The following RANBP2 variants were observed in gnomAD, a reference collection of about 807,000 sequenced individuals.
RANBP2 encodes E3 SUMO-protein ligase RanBP2.
RANBP2 carries 57 observed loss-of-function variants against 303.6 expected under a neutral mutation model. The ratio of observed to expected loss-of-function variants is 0.19; its 90% CI spans 0.15 to 0.23. RANBP2 has a LOEUF of 0.23. Among genes scored for constraint, RANBP2 ranks in the 10% least tolerant of loss-of-function variants. The pLI, the probability that RANBP2 is intolerant of heterozygous loss-of-function variation, is 1.00. For synonymous variants in RANBP2, 1,167 were observed against 1,301.5 expected, an observed-to-expected ratio of 0.90 and a Z score of 2.23; for missense variants, 3,138 against 3,780.8, an observed-to-expected ratio of 0.83 and a Z score of 4.46.
At chr2:108,731,624 T>A (rs1476979821) in intron 4 of RANBP2, 150 bp downstream of exon 4, 2 of 1,441,784 alleles carry the variant, frequency 1.4e-6, no homozygotes, top group Non-Finnish European at 1.9e-6. Context: ...AAAACCTTTC[T>A]GAGCATCTAC....
intron 21 of RANBP2, 61 bp downstream of exon 21, chr2:108,771,932 A>G (rs1677533491): frequency 1.2e-6 from 2 of 1,601,960 alleles, no homozygotes; most frequent in African/African-American, 1.3e-5. Flanking sequence ...AATTGGGAGT[A>G]TGGTTTAATT....
the RANBP2 span, among the ~76,000 whole-genome samples, chr2:109,500,255 G>A: frequency 1.7e-4 from 26 of 152,140 alleles, no homozygotes; most frequent in Non-Finnish European, 3.2e-4. Context: ...CCAAGAAGAG[G>A]GCTCAGAGGA....
At chr2:109,271,842 C>T in the RANBP2 span, among the ~76,000 whole-genome samples, 1 of 152,224 alleles carries the variant, frequency 6.6e-6, no homozygotes, top group South Asian at 2.1e-4. Flanking sequence ...ATATAAGTAT[C>T]CTATAACTGG....
chr2:109,550,502 T>C, the RANBP2 span, among the ~76,000 whole-genome samples: 24 of 151,884 alleles, frequency 1.6e-4, no homozygotes, highest in Non-Finnish European at 3.4e-4. Context: ...TTAGTAGAGA[T>C]GGGGTTTCAC....
the RANBP2 span, among the ~76,000 whole-genome samples, chr2:109,477,489 C>T: frequency 5.3e-5 from 8 of 152,318 alleles, no homozygotes; most frequent in South Asian, 1.4e-3. Flanking sequence ...GGCCCCCTCC[C>T]GCCAGACACA....
chr2:109,709,345 A>G, the RANBP2 span, among the ~76,000 whole-genome samples: 2 of 150,350 alleles, frequency 1.3e-5, no homozygotes, highest in African/African-American at 4.8e-5. Flanking sequence ...AATAAAATAA[A>G]ATAAAATAAA....
the RANBP2 span, among the ~76,000 whole-genome samples, chr2:109,323,637 G>A: frequency 3.9e-5 from 6 of 152,200 alleles, no homozygotes; most frequent in African/African-American, 1.4e-4. Flanking sequence ...ATGGGGTTTT[G>A]GTGAGGTTGA....
At chr2:109,553,884 T>C in the RANBP2 span, among the ~76,000 whole-genome samples, 1 of 152,044 alleles carries the variant, frequency 6.6e-6, no homozygotes, top group Non-Finnish European at 1.5e-5. Flanking sequence ...ACAATAAACT[T>C]TCAAAAATAC....
chr2:109,071,358 G>C, the RANBP2 span, among the ~76,000 whole-genome samples: 1 of 152,196 alleles, frequency 6.6e-6, no homozygotes, highest in African/African-American at 2.4e-5. Flanking sequence ...TTGCATGTGT[G>C]AAATTTAGAT....
the RANBP2 span, among the ~76,000 whole-genome samples, chr2:109,461,680 G>A: frequency 2.0e-5 from 3 of 150,900 alleles, no homozygotes; most frequent in Middle Eastern, 3.4e-3. Flanking sequence ...GACCTGCGCG[G>A]TGATCCACCT....
chr2:109,000,864 G>A, the RANBP2 span, among the ~76,000 whole-genome samples: 1 of 152,096 alleles, frequency 6.6e-6, no homozygotes, highest in Admixed American at 6.6e-5. Flanking sequence ...CAGGTCACGT[G>A]CCTAGTCAGG....
At chr2:109,020,929 C>A in the RANBP2 span, among the ~76,000 whole-genome samples, 1 of 152,314 alleles carries the variant, frequency 6.6e-6, no homozygotes, top group East Asian at 1.9e-4. Context: ...ACCACCATGA[C>A]CCATCACAGG....
the RANBP2 span, among the ~76,000 whole-genome samples, chr2:109,315,454 T>C: frequency 6.6e-6 from 1 of 152,240 alleles, no homozygotes; most frequent in Non-Finnish European, 1.5e-5. Flanking sequence ...CTTGTGTCTG[T>C]AGAATGCACT....
chr2:108,889,555 CT>C, the RANBP2 span, among the ~76,000 whole-genome samples: 12,963 of 149,810 alleles, frequency 0.087, 707 homozygotes, highest in South Asian at 0.24. Context: ...TTTTTCTTTT[CT>C]TTTTTTTTTT....
chr2:109,480,979 A>G, the RANBP2 span, among the ~76,000 whole-genome samples: 1 of 152,208 alleles, frequency 6.6e-6, no homozygotes, highest in Non-Finnish European at 1.5e-5. Context: ...TACTTCAGCC[A>G]TGGAAGGGAG....
chr2:109,351,138 A>G, the RANBP2 span, among the ~76,000 whole-genome samples: 1 of 152,224 alleles, frequency 6.6e-6, no homozygotes, highest in African/African-American at 2.4e-5. Flanking sequence ...GACTCCAGAA[A>G]GCTGGGCATG....
chr2:109,570,843 T>C, the RANBP2 span, among the ~76,000 whole-genome samples: 9 of 152,170 alleles, frequency 5.9e-5, no homozygotes, highest in South Asian at 2.1e-4. Flanking sequence ...TTATAATGTG[T>C]AATCTAGAGA....
the RANBP2 span, among the ~76,000 whole-genome samples, chr2:109,510,958 C>T: frequency 4.6e-5 from 7 of 152,214 alleles, no homozygotes; most frequent in Admixed American, 2.0e-4. Flanking sequence ...GTACTAAGCC[C>T]ACCCTCTGCG....
the RANBP2 span, among the ~76,000 whole-genome samples, chr2:109,693,404 C>T: frequency 6.6e-6 from 1 of 152,114 alleles, no homozygotes; most frequent in Non-Finnish European, 1.5e-5. Flanking sequence ...AGTGATCCAC[C>T]CGCTTCGGCC....
Sources: gnomAD v4.1 joint callset for allele counts (sites outside exome capture counted in the v4.1 genomes callset) on GRCh38, gnomAD v4.1.1 for gene constraint, MANE v1.5 for transcripts, NCBI Gene and HGNC (gene_info 2026-07-23, HGNC 2026-07-21) for gene names.